NDUFA5: variants seen among roughly 807,000 people sequenced by gnomAD.
NDUFA5 encodes NADH:ubiquinone oxidoreductase subunit A5.
In NDUFA5, 11 loss-of-function variants were observed where a neutral mutation model predicts 19.8. That is an observed-to-expected ratio of 0.56 (90% CI 0.35 to 0.92). The LOEUF is 0.92. NDUFA5 is among the 40% of genes least tolerant of loss of function. The pLI, the probability that NDUFA5 is intolerant of heterozygous loss-of-function variation, is 0.01. For missense variants in NDUFA5, 109 were observed against 134.2 expected (o/e 0.81, Z 0.93); for synonymous variants, 47 against 46.8 (o/e 1.00, Z -0.01).
chr7:123,580,586 C>G, the NDUFA5 span, among the ~76,000 whole-genome samples: 2 of 152,110 alleles, frequency 1.3e-5, no homozygotes, highest in African/African-American at 2.4e-5. Flanking sequence ...CATATGAAAA[C>G]CCAGAACTGC....
chr7:123,568,561 G>A, the NDUFA5 span, among the ~76,000 whole-genome samples: 2 of 151,738 alleles, frequency 1.3e-5, no homozygotes, highest in African/African-American at 4.8e-5. Flanking sequence ...CCTATGGGAG[G>A]ATTGAATATT....
chr7:123,568,085 AC>A, the NDUFA5 span, among the ~76,000 whole-genome samples: 1 of 152,204 alleles, frequency 6.6e-6, no homozygotes, highest in African/African-American at 2.4e-5. Flanking sequence ...AAGCGCCATT[AC>A]CCAGTTTTAT....
At chr7:123,563,091 G>A in the NDUFA5 span, among the ~76,000 whole-genome samples, 1 of 152,064 alleles carries the variant, frequency 6.6e-6, no homozygotes, top group Non-Finnish European at 1.5e-5. Context: ...GTGAGCCACC[G>A]CGCCTGGCCT....
chr7:123,588,510 C>G, the NDUFA5 span, among the ~76,000 whole-genome samples: 2 of 150,896 alleles, frequency 1.3e-5, no homozygotes, highest in African/African-American at 4.9e-5. Flanking sequence ...TTTATTTTTG[C>G]TCTGATTTTC....
At chr7:123,600,438 G>A in the NDUFA5 span, among the ~76,000 whole-genome samples, 2 of 152,078 alleles carry the variant, frequency 1.3e-5, no homozygotes, top group Non-Finnish European at 2.9e-5. Flanking sequence ...AAAGTGTTAG[G>A]TGCACATTTT....
the NDUFA5 span, among the ~76,000 whole-genome samples, chr7:123,591,008 C>A: frequency 6.6e-6 from 1 of 152,116 alleles, no homozygotes; most frequent in African/African-American, 2.4e-5. Context: ...TTGAAGAGGT[C>A]CTTCACGTCC....
At chr7:123,578,723 G>C in the NDUFA5 span, among the ~76,000 whole-genome samples, 1 of 151,950 alleles carries the variant, frequency 6.6e-6, no homozygotes, top group African/African-American at 2.4e-5. Context: ...TTGAATGCAC[G>C]GTTAGAATTT....
At chr7:123,593,854 G>T in the NDUFA5 span, among the ~76,000 whole-genome samples, 1 of 152,130 alleles carries the variant, frequency 6.6e-6, no homozygotes, top group Non-Finnish European at 1.5e-5. Flanking sequence ...AGTTCTCCTG[G>T]ATAATAGCCT....
chr7:123,547,954 G>A (rs1427645523), intron 3 of NDUFA5, among the ~76,000 whole-genome samples: 4 of 151,982 alleles, frequency 2.6e-5, no homozygotes, highest in Non-Finnish European at 4.4e-5. Context: ...TTATACCCAC[G>A]TTATAGATGA....
chr7:123,569,982 TATAAGTCACTGTCAACA>T, the NDUFA5 span, among the ~76,000 whole-genome samples: 6 of 151,280 alleles, frequency 4.0e-5, no homozygotes, highest in Non-Finnish European at 5.9e-5. Flanking sequence ...TATGATGGGA[TATAAGTCACTGTCAACA>T]ATACCTAAAG....
At chr7:123,570,271 C>G in the NDUFA5 span, among the ~76,000 whole-genome samples, 4 of 151,890 alleles carry the variant, frequency 2.6e-5, no homozygotes, top group South Asian at 8.3e-4. Flanking sequence ...CTCCTGACCT[C>G]GTGATCCACC....
At chr7:123,577,987 C>A in the NDUFA5 span, among the ~76,000 whole-genome samples, 1 of 151,616 alleles carries the variant, frequency 6.6e-6, no homozygotes, top group African/African-American at 2.4e-5. Flanking sequence ...TGATTTGCTG[C>A]ACCCATCAAC....
the NDUFA5 span, among the ~76,000 whole-genome samples, chr7:123,579,844 A>G: frequency 3.9e-5 from 6 of 152,116 alleles, no homozygotes; most frequent in Admixed American, 2.6e-4. Flanking sequence ...AAGTGAGAAC[A>G]TAAAGCATAT....
rs1797842349 is a variant in NDUFA5 at position 123,539,075 on chromosome 7, A to T, written c.*3044T>A. ...AGGGAGAGTGAAAGGATACAATAAA[A>T]CTTGAGGCCTGATTGCACATGATGA... On this transcript the variant is annotated 3_prime_UTR_variant, in exon 5 of 5. Coordinates refer to ENST00000355749, the MANE Select transcript of NDUFA5 (RefSeq NM_005000.5). The T allele has an allele frequency of 6.6e-6, 1 of 152,158 alleles. No homozygotes were observed. The highest frequency in any genetic ancestry group is 2.1e-4 in the South Asian group (1 of 4,830). The allele number at this position is 152,158 out of a possible 1,614,324, so 9.4% of individuals were successfully genotyped here.
the NDUFA5 span, among the ~76,000 whole-genome samples, chr7:123,601,165 T>C: frequency 6.6e-6 from 1 of 152,138 alleles, no homozygotes; most frequent in Non-Finnish European, 1.5e-5. Flanking sequence ...ACTATTTTCA[T>C]TGGAAAATCA....
the NDUFA5 span, among the ~76,000 whole-genome samples, chr7:123,589,473 C>T: frequency 1.3e-5 from 1 of 75,840 alleles, no homozygotes; most frequent in African/African-American, 4.8e-5. Context: ...CTCCTCCAGC[C>T]CCCCACCTCT....
At chr7:123,557,885 C>A (rs528442260), upstream of NDUFA5, 28 of 1,607,728 alleles carry the variant, frequency 1.7e-5, no homozygotes, top group Middle Eastern at 8.3e-4. Context: ...CTCTGTCACC[C>A]TGGAAACAGC....
chr7:123,578,677 A>G, the NDUFA5 span, among the ~76,000 whole-genome samples: 1 of 152,098 alleles, frequency 6.6e-6, no homozygotes, highest in African/African-American at 2.4e-5. Context: ...CAGCAATTTC[A>G]TTCAATAGCT....
chr7:123,544,764 T>TAAAAAAAAAA (rs61556029), intron 4 of NDUFA5, among the ~76,000 whole-genome samples: 8 of 61,828 alleles, frequency 1.3e-4, no homozygotes, highest in East Asian at 5.1e-4. Context: ...ATGCAAATCT[T>TAAAAAAAAAA]AAAAAAAAAA....
Sources: allele counts gnomAD v4.1 joint callset (sites outside exome capture counted in the v4.1 genomes callset), GRCh38; gene constraint gnomAD v4.1.1; transcripts MANE v1.5; gene names NCBI Gene and HGNC (gene_info 2026-07-23, HGNC 2026-07-21).